SYNJ2: variants seen among roughly 807,000 people sequenced by gnomAD.
The protein encoded by SYNJ2 is polyphosphatidylinositol phosphatase SYNJ2.
A neutral mutation model predicts 141.3 loss-of-function variants in SYNJ2; 116 were observed. The ratio of observed to expected loss-of-function variants is 0.82; its 90% CI spans 0.71 to 0.96. The LOEUF is 0.96. Ranked by LOEUF, SYNJ2 falls within the 40% of genes least tolerant of loss-of-function variation. The probability of loss-of-function intolerance (pLI) is 0.00; values close to 1 mark genes in which losing one functional copy is unlikely to be tolerated. For missense variants in SYNJ2, 1,873 were observed against 1,934.8 expected (o/e 0.97, Z 0.60); for synonymous variants, 745 against 777.7 (o/e 0.96, Z 0.70).
intron 1 of SYNJ2, among the ~76,000 whole-genome samples, chr6:157,997,027 A>ACCCCCCCC (rs1312763731): frequency 8.6e-6 from 1 of 116,074 alleles, no homozygotes; most frequent in Non-Finnish European, 1.8e-5. Flanking sequence ...CACCTACCCC[A>ACCCCCCCC]CCCCCCCCCA....
rs117511502 is a variant in SYNJ2 at position 158,092,684 on chromosome 6, G to A, written c.3566-242G>A. Among the ~76,000 whole-genome samples, 1,094 of 152,178 alleles carry A rather than the reference G, an allele frequency of 7.2e-3. 60 individuals carry two copies. The East Asian group carries it at 0.15, about 21-fold the overall frequency. On this transcript the variant is annotated intron_variant, in intron 25 of 26. Coordinates refer to ENST00000355585, the MANE Select transcript of SYNJ2 (RefSeq NM_003898.4). Reference sequence around the variant, plus strand: ...GGAGGCTGAAATGGGAGAATTGCTCGAGCCTGGGAGGTTGAGACTGCAGTG... The same window carrying A: ...GGAGGCTGAAATGGGAGAATTGCTCAAGCCTGGGAGGTTGAGACTGCAGTG...
At position 158,081,477 on chromosome 6, in the gene SYNJ2, G is replaced by A. The variant is rs757939680; in HGVS notation, c.2832G>A (p.Ser944=). 51 of 1,613,916 alleles carry A rather than the reference G, an allele frequency of 3.2e-5. No individual in the cohort carries two copies. In the Middle Eastern group the frequency reaches 6.6e-4, roughly 21 times the overall value. The change falls in exon 20 of 27, where the codon TCG becomes TCA. Residue 944 remains serine (S), a synonymous_variant. Coordinates refer to ENST00000355585, the MANE Select transcript of SYNJ2 (RefSeq NM_003898.4). ...QMLVTFADSH[S]ALSVLDVDGM... is the part of the protein sequence containing the mutation. ...TGGTAACTTTTGCAGACAGTCACTCGGCTCTCAGTGTCCTGGACGTGGACG... is the reference window on the plus strand; with the variant it reads ...TGGTAACTTTTGCAGACAGTCACTCAGCTCTCAGTGTCCTGGACGTGGACG...
At chr6:158,031,278 C>G (rs1779347014) in intron 3 of SYNJ2, among the ~76,000 whole-genome samples, 1 of 152,158 alleles carries the variant, frequency 6.6e-6, no homozygotes, top group African/African-American at 2.4e-5. Context: ...CTTGGAACCC[C>G]TAGGGGATCC....
intron 17 of SYNJ2, among the ~76,000 whole-genome samples, chr6:158,077,000 C>CTTT (rs111687160): frequency 1.2e-3 from 167 of 145,056 alleles, no homozygotes; most frequent in African/African-American, 3.9e-3. Context: ...CTTTTCTTTT[C>CTTT]TTTTTTTTTT....
At chr6:158,059,174 C>T (rs1483740121) in intron 6 of SYNJ2, 83 bp from the exon 7 acceptor site, 3 of 1,354,196 alleles carry the variant, frequency 2.2e-6, no homozygotes, top group East Asian at 5.3e-5. Flanking sequence ...ACTCCTGCCC[C>T]GTCTTCCCTT....
At chr6:158,092,194 A>G (rs1443085402) in intron 25 of SYNJ2, among the ~76,000 whole-genome samples, 5 of 151,904 alleles carry the variant, frequency 3.3e-5, no homozygotes, top group Admixed American at 2.6e-4. Context: ...TTTCTTGGTC[A>G]TGGCCCCATT....
At chr6:157,984,255 T>C (rs1043044132) in intron 1 of SYNJ2, among the ~76,000 whole-genome samples, 1 of 152,238 alleles carries the variant, frequency 6.6e-6, no homozygotes, top group Non-Finnish European at 1.5e-5. Flanking sequence ...GGAGAGAGCC[T>C]TATGTTACTA....
Position 158,071,582 on chromosome 6 carries a change from C to G in SYNJ2, c.1941-20C>G. On this transcript the variant is annotated intron_variant, in intron 14 of 26. Coordinates refer to ENST00000355585, the MANE Select transcript of SYNJ2 (RefSeq NM_003898.4). This position sits in a 1 kb window ranked among gnomAD's most constrained non-coding sequence, Gnocchi z 4.3. ...TTCTCCTTCAGGAGCCGACGGCATG[C>G]GCGTATCCTTCTGTTCCAGGGACGT... 1 of 1,609,430 alleles carries G rather than the reference C, an allele frequency of 6.2e-7. No homozygotes were observed.
chr6:158,082,129 C>G (rs1318042852), intron 20 of SYNJ2, among the ~76,000 whole-genome samples: 1 of 152,100 alleles, frequency 6.6e-6, no homozygotes, highest in African/African-American at 2.4e-5. Context: ...GGTAGATCAC[C>G]CAAGGTCAGG....
intron 16 of SYNJ2, among the ~76,000 whole-genome samples, chr6:158,076,089 G>A (rs150853029): frequency 0.01 from 1,569 of 152,330 alleles, 31 homozygotes; most frequent in African/African-American, 0.035. Flanking sequence ...TTGGGAGGCT[G>A]AGGCAGGAGG....
chr6:158,093,296 C>T (rs1057454582), intron 26 of SYNJ2, among the ~76,000 whole-genome samples, 192 bp downstream of exon 26: 3 of 151,962 alleles, frequency 2.0e-5, no homozygotes, highest in Non-Finnish European at 2.9e-5. Context: ...ATTAGCCGGG[C>T]GTGGTGGCGC....
At chr6:158,093,768 A>G in intron 26 of SYNJ2, 1 of 679,666 alleles carries the variant, frequency 1.5e-6, no homozygotes. Flanking sequence ...TGTTGTGTGC[A>G]CATGGTTTCA....
Position 158,043,357 on chromosome 6 carries a change from CAG to C in SYNJ2, c.756_757del (p.Gly253LeufsTer83). The C allele has an allele frequency of 6.2e-7, 1 of 1,614,154 alleles. No homozygotes were observed. The part of the protein sequence containing the change: ...DDGVSSFVQI[R>X]GSVPLFWEQP... ...ATGGAGTGTCATCTTTTGTCCAGAT[CAG>C]AGGCTCCGTTCCGCTGTTCTGGGAA... On this transcript the variant is annotated frameshift_variant, in exon 5 of 27. Transcript: ENST00000355585. LOFTEE classifies it high-confidence loss of function. This position sits in a 1 kb window ranked among gnomAD's most constrained non-coding sequence, Gnocchi z 4.0.
At position 158,081,198 on chromosome 6, in the gene SYNJ2, G is replaced by GC; in HGVS notation, c.2662dup (p.Leu888ProfsTer27). The stretch of plus-strand genomic sequence containing the variant: ...TTCCAGGAAGTGTCCTCCTTCCAGG[G>GC]CCCCCTGGATGCCACTGTTGTAGTA... On this transcript the variant is annotated frameshift_variant, in exon 19 of 27. Transcript: ENST00000355585. LOFTEE classifies it high-confidence loss of function. 1 of 1,614,112 alleles carries GC rather than the reference G, an allele frequency of 6.2e-7. No homozygotes were observed. Among genetic ancestry groups the GC allele is most frequent in the Non-Finnish European group, 8.5e-7 (1 of 1,180,010 alleles).
rs376701185 is a variant in SYNJ2, at chr6:158,071,800, C to A, written c.2133+6C>A. The stretch of plus-strand genomic sequence containing the variant: ...AGAAACTCTGCTTCCCAATGGTGAG[C>A]GGCGCCGTGGGGACAGCCAGCACCT... On this transcript the variant is annotated splice_donor_region_variant and intron_variant, in intron 15 of 26. Coordinates refer to ENST00000355585, the MANE Select transcript of SYNJ2 (RefSeq NM_003898.4). This position sits in a 1 kb window ranked among gnomAD's most constrained non-coding sequence, Gnocchi z 4.3. 6.2e-7 allele frequency: 1 copy of A among 1,611,654 alleles called. No homozygotes were observed. Among genetic ancestry groups the A allele is most frequent in the Admixed American group, 1.7e-5 (1 of 59,944 alleles).
intron 20 of SYNJ2, among the ~76,000 whole-genome samples, chr6:158,082,180 C>G (rs984622352): frequency 5.3e-5 from 8 of 152,136 alleles, no homozygotes; most frequent in African/African-American, 1.9e-4. Flanking sequence ...AATCCTGTCT[C>G]TAGTAAAAAT....
chr6:157,998,458 G>A (rs562564444), intron 1 of SYNJ2, among the ~76,000 whole-genome samples: 33 of 152,356 alleles, frequency 2.2e-4, no homozygotes, highest in African/African-American at 7.0e-4. Context: ...CAGAGTTGAC[G>A]TTCCATCTTG....
In SYNJ2 at chr6:158,027,106, C is replaced by T. The variant is rs1029830943; in HGVS notation, c.215-1650C>T. ...CCTGAGCGCTCATTAAAGGAACGCA[C>T]TTTAATGACAGCCACACGCCACCCT... On this transcript the variant is annotated intron_variant, in intron 2 of 26. Coordinates refer to ENST00000355585, the MANE Select transcript of SYNJ2 (RefSeq NM_003898.4). The surrounding 1 kb of genome is among the most constrained non-coding windows in gnomAD (Gnocchi z 4.6). 1.0e-6 allele frequency: 1 copy of T among 985,388 alleles called. No homozygotes were observed. Among genetic ancestry groups the T allele is most frequent in the Non-Finnish European group, 1.2e-6 (1 of 829,938 alleles). 61.0% of individuals were successfully genotyped at this position (985,388 alleles called of 1,614,324 possible). A position where few individuals can be genotyped will look rare whatever the true frequency, so the allele number is the denominator to read the frequency against.
chr6:157,988,510 C>G (rs2128314000), intron 1 of SYNJ2, among the ~76,000 whole-genome samples: 1 of 152,326 alleles, frequency 6.6e-6, no homozygotes, highest in Admixed American at 6.5e-5. Context: ...TTCAGGCAGA[C>G]CTGTCCTGGG....
Sources: gnomAD v4.1 joint callset for allele counts (sites outside exome capture counted in the v4.1 genomes callset) on GRCh38, gnomAD v4.1.1 for gene constraint, Gnocchi (gnomAD v3.1) non-coding constraint, MANE v1.5 for transcripts, NCBI Gene and HGNC (gene_info 2026-07-23, HGNC 2026-07-21) for gene names.